The following DLGAP2 variants were observed in gnomAD, a reference collection of about 807,000 sequenced individuals.
DLGAP2 encodes the protein disks large-associated protein 2.
A neutral mutation model predicts 100.3 loss-of-function variants in DLGAP2; 26 were observed. The observed-to-expected ratio is 0.26, with a 90% CI of 0.19 to 0.36. The LOEUF (loss-of-function observed/expected upper bound fraction) is 0.36, where lower values mean the gene tolerates loss of function less well. Among genes scored for constraint, DLGAP2 ranks in the 10% least tolerant of loss-of-function variants. The pLI is 1.00. For synonymous variants in DLGAP2, 886 were observed against 630.1 expected, an observed-to-expected ratio of 1.41 and a Z score of -6.08; for missense variants, 1,858 against 1,453.2, an observed-to-expected ratio of 1.28 and a Z score of -4.53.
intron 3 of DLGAP2, among the ~76,000 whole-genome samples, chr8:1,417,352 C>T (rs1429792539): frequency 6.6e-6 from 1 of 152,178 alleles, no homozygotes; most frequent in Non-Finnish European, 1.5e-5. Flanking sequence ...TTCATAGAAG[C>T]CCTTGAAGCT....
At chr8:1,109,014 C>T (rs1422169050) in intron 2 of DLGAP2, among the ~76,000 whole-genome samples, 1 of 141,854 alleles carries the variant, frequency 7.0e-6, no homozygotes, top group East Asian at 2.2e-4. Context: ...TGTGCTGGGT[C>T]TGTGAGGTGT....
intron 2 of DLGAP2, among the ~76,000 whole-genome samples, chr8:1,025,162 G>A (rs182987718): frequency 6.6e-6 from 1 of 152,148 alleles, no homozygotes; most frequent in Non-Finnish European, 1.5e-5. Context: ...GTGCGCACGT[G>A]TGTGTGTCTT....
intron 2 of DLGAP2, among the ~76,000 whole-genome samples, chr8:1,238,527 C>T (rs1425923218): frequency 8.4e-5 from 10 of 119,158 alleles, no homozygotes; most frequent in East Asian, 2.4e-4. Context: ...CACATGGCGC[C>T]GTGTCTGGTT....
At chr8:1,199,911 T>A (rs1029573990) in intron 2 of DLGAP2, among the ~76,000 whole-genome samples, 7 of 151,428 alleles carry the variant, frequency 4.6e-5, no homozygotes, top group African/African-American at 1.7e-4. Context: ...CCTCCCCTGG[T>A]GATGACAGCC....
At chr8:778,563 C>T (rs541284679) in intron 1 of DLGAP2, among the ~76,000 whole-genome samples, 7 of 152,180 alleles carry the variant, frequency 4.6e-5, no homozygotes, top group South Asian at 4.1e-4. Context: ...TTCCTCCTAA[C>T]GGACAGGACC....
At chr8:985,170 T>C (rs944093340) in intron 2 of DLGAP2, among the ~76,000 whole-genome samples, 1 of 152,150 alleles carries the variant, frequency 6.6e-6, no homozygotes, top group African/African-American at 2.4e-5. Context: ...TGTGTGCAGG[T>C]TACAGCCTGA....
At chr8:1,119,188 C>T (rs541167601) in intron 2 of DLGAP2, among the ~76,000 whole-genome samples, 19 of 152,330 alleles carry the variant, frequency 1.2e-4, no homozygotes, top group African/African-American at 2.4e-4. Context: ...ACATCCTTCC[C>T]GCACTTAAGG....
intron 3 of DLGAP2, among the ~76,000 whole-genome samples, chr8:1,359,252 C>G (rs1339445048): frequency 2.6e-5 from 4 of 152,216 alleles, no homozygotes; most frequent in African/African-American, 7.2e-5. Flanking sequence ...GCATCCCCTT[C>G]TCCTCGCTGC....
intron 12 of DLGAP2, among the ~76,000 whole-genome samples, chr8:1,685,164 C>T (rs986251450): frequency 2.0e-5 from 3 of 151,232 alleles, no homozygotes; most frequent in East Asian, 1.9e-4. Flanking sequence ...AGAAGCACCC[C>T]GGCAGTTGGC....
chr8:920,566 G>A (rs1406067208), intron 2 of DLGAP2, among the ~76,000 whole-genome samples: 1 of 152,026 alleles, frequency 6.6e-6, no homozygotes. Context: ...GACCAGCCTG[G>A]GCAACATGGT....
chr8:1,148,556 C>T (rs1221463349), intron 2 of DLGAP2, among the ~76,000 whole-genome samples: 1 of 59,082 alleles, frequency 1.7e-5, no homozygotes, highest in Non-Finnish European at 3.6e-5. Context: ...AATATATGAA[C>T]TTAATACTTC....
chr8:776,266 G>A (rs1360078657), intron 1 of DLGAP2, among the ~76,000 whole-genome samples: 9 of 151,788 alleles, frequency 5.9e-5, no homozygotes, highest in Admixed American at 2.0e-4. Flanking sequence ...TCTTGCTAGC[G>A]GTCTATCAAT....
At chr8:1,237,426 C>G (rs1370998303) in intron 2 of DLGAP2, among the ~76,000 whole-genome samples, 1 of 141,458 alleles carries the variant, frequency 7.1e-6, no homozygotes, top group Non-Finnish European at 1.5e-5. Context: ...GGTGCCGTGT[C>G]TAGTTCTCTC....
chr8:889,866 G>A (rs1797998715), intron 1 of DLGAP2, among the ~76,000 whole-genome samples: 1 of 152,238 alleles, frequency 6.6e-6, no homozygotes, highest in Admixed American at 6.5e-5. Flanking sequence ...TTCCGGGGCT[G>A]GAACTGTAGG....
intron 6 of DLGAP2, among the ~76,000 whole-genome samples, chr8:1,581,660 A>C (rs558083411): frequency 3.4e-4 from 52 of 151,418 alleles, no homozygotes; most frequent in Middle Eastern, 3.5e-3. Flanking sequence ...CACCACAGTC[A>C]ACCAGAAAGA....
At chr8:1,077,030 C>T (rs1335312965) in intron 2 of DLGAP2, among the ~76,000 whole-genome samples, 1 of 151,654 alleles carries the variant, frequency 6.6e-6, no homozygotes, top group African/African-American at 2.4e-5. Flanking sequence ...GTCCCGGGCC[C>T]CCCCAAGACC....
chr8:806,128 C>A (rs575467967), intron 1 of DLGAP2, among the ~76,000 whole-genome samples: 9 of 152,334 alleles, frequency 5.9e-5, no homozygotes, highest in African/African-American at 1.9e-4. Flanking sequence ...AGATGCCAGG[C>A]AGCAATTTAC....
At chr8:981,533 A>G (rs1800331430) in intron 2 of DLGAP2, among the ~76,000 whole-genome samples, 1 of 152,182 alleles carries the variant, frequency 6.6e-6, no homozygotes, top group East Asian at 1.9e-4. Flanking sequence ...GCCGTTTTAC[A>G]TTTTACCAGC....
intron 3 of DLGAP2, among the ~76,000 whole-genome samples, chr8:1,409,745 GA>G (rs1192449210): frequency 6.6e-6 from 1 of 152,160 alleles, no homozygotes; most frequent in African/African-American, 2.4e-5. Flanking sequence ...AAATAGAACT[GA>G]AAGAGGAAGG....
Sources: allele counts gnomAD v4.1 joint callset (sites outside exome capture counted in the v4.1 genomes callset), GRCh38; gene constraint gnomAD v4.1.1; transcripts MANE v1.5; gene names NCBI Gene and HGNC (gene_info 2026-07-23, HGNC 2026-07-21).